The following OPCML variants were observed in gnomAD, a reference collection of about 807,000 sequenced individuals.
The protein encoded by OPCML is opioid binding protein/cell adhesion molecule like, also known as opioid-binding protein/cell adhesion molecule.
In OPCML, 13 loss-of-function variants were observed where a neutral mutation model predicts 37.8. The ratio of observed to expected loss-of-function variants is 0.34; its 90% confidence interval spans 0.22 to 0.55. OPCML has a LOEUF of 0.55. OPCML is among the 20% of genes least tolerant of loss of function. The probability of loss-of-function intolerance (pLI) is 0.91; values close to 1 mark genes in which losing one functional copy is unlikely to be tolerated. For missense variants in OPCML, 341 were observed against 435.6 expected (o/e 0.78, Z 1.93); for synonymous variants, 176 against 168.8 (o/e 1.04, Z -0.33).
At chr11:133,477,379 G>A (rs987503575) in intron 1 of OPCML, among the ~76,000 whole-genome samples, 2 of 152,132 alleles carry the variant, frequency 1.3e-5, no homozygotes, top group Non-Finnish European at 2.9e-5. Flanking sequence ...TGAATGCCCT[G>A]GCTTCTAATC....
At chr11:133,242,048 T>A (rs775763795) in intron 1 of OPCML, among the ~76,000 whole-genome samples, 1 of 152,228 alleles carries the variant, frequency 6.6e-6, no homozygotes, top group Non-Finnish European at 1.5e-5. Flanking sequence ...TTGACTCTCA[T>A]AAATGTTTAT....
chr11:132,995,183 C>T (rs1442123592), intron 1 of OPCML, among the ~76,000 whole-genome samples: 1 of 152,122 alleles, frequency 6.6e-6, no homozygotes, highest in Non-Finnish European at 1.5e-5. Flanking sequence ...GAAGACTAAA[C>T]GTGAGCGGGT....
chr11:132,785,501 A>G (rs539945345), intron 2 of OPCML, among the ~76,000 whole-genome samples: 1 of 152,360 alleles, frequency 6.6e-6, no homozygotes, highest in African/African-American at 2.4e-5. Flanking sequence ...ATAGCCACAA[A>G]TATACTTCTT....
chr11:133,079,342 T>C (rs904851348), intron 1 of OPCML, among the ~76,000 whole-genome samples: 2 of 152,164 alleles, frequency 1.3e-5, no homozygotes, highest in Non-Finnish European at 2.9e-5. Flanking sequence ...AGGCCAGGCA[T>C]TGACCATGCA....
intron 2 of OPCML, among the ~76,000 whole-genome samples, chr11:132,770,159 ATAACTTGTTG>A (rs1440292465): frequency 1.3e-5 from 2 of 152,186 alleles, no homozygotes; most frequent in African/African-American, 4.8e-5. Context: ...AAGTCAACAA[ATAACTTGTTG>A]AACACTTACT....
At chr11:132,692,099 A>G (rs879050376) in intron 2 of OPCML, among the ~76,000 whole-genome samples, 2 of 152,200 alleles carry the variant, frequency 1.3e-5, no homozygotes, top group Admixed American at 6.5e-5. Flanking sequence ...GTGTTCTTCA[A>G]TCAAAAGCAG....
At chr11:133,263,390 A>G (rs1468719523) in intron 1 of OPCML, among the ~76,000 whole-genome samples, 1 of 152,148 alleles carries the variant, frequency 6.6e-6, no homozygotes, top group Admixed American at 6.5e-5. Flanking sequence ...ATTGTGTTAC[A>G]GTTGCCTACA....
intron 1 of OPCML, among the ~76,000 whole-genome samples, chr11:133,011,535 TCA>T (rs1947213930): frequency 6.6e-6 from 1 of 152,122 alleles, no homozygotes; most frequent in Admixed American, 6.5e-5. Context: ...AGGACTATGC[TCA>T]ATTTAAGGAA....
At chr11:132,689,825 C>T (rs1004185927) in intron 2 of OPCML, among the ~76,000 whole-genome samples, 9 of 152,162 alleles carry the variant, frequency 5.9e-5, no homozygotes, top group African/African-American at 1.9e-4. Context: ...GGGGCAGATG[C>T]ATTTTGCCAC....
At chr11:133,416,359 A>G (rs868190458) in intron 1 of OPCML, among the ~76,000 whole-genome samples, 19 of 152,266 alleles carry the variant, frequency 1.2e-4, no homozygotes, top group South Asian at 2.1e-4. Context: ...TGTCTGTATA[A>G]CTTCCCTTTT....
chr11:132,531,951 TC>T (rs1169004171), intron 3 of OPCML, among the ~76,000 whole-genome samples: 5 of 152,048 alleles, frequency 3.3e-5, no homozygotes, highest in African/African-American at 1.2e-4. Context: ...TCCTAGAGGC[TC>T]CCTGATAGTA....
Position 132,636,523 on chromosome 11 carries a change from A to C in OPCML, c.379+20564T>G, listed in dbSNP as rs564501558. On this transcript the variant is annotated intron_variant, in intron 3 of 7. Coordinates refer to ENST00000524381, the MANE Select transcript of OPCML (RefSeq NM_001012393.5). The stretch of plus-strand genomic sequence containing the variant: ...GTGGATCCATTGCACCACAGTGATC[A>C]TATGTCCAAGCGAATAAGCCTTCCA... 3.3e-5 allele frequency among the ~76,000 whole-genome samples: 5 copies of C among 152,350 alleles called. No homozygotes were observed. The East Asian group carries it at 9.6e-4, about 29-fold the overall frequency.
intron 2 of OPCML, among the ~76,000 whole-genome samples, chr11:132,932,470 C>T (rs1208635097): frequency 6.6e-6 from 1 of 152,066 alleles, no homozygotes; most frequent in Non-Finnish European, 1.5e-5. Context: ...AAGCAGATTT[C>T]GTTTCTCCCT....
At chr11:133,333,385 T>C (rs1226272198) in intron 1 of OPCML, among the ~76,000 whole-genome samples, 1 of 141,138 alleles carries the variant, frequency 7.1e-6, no homozygotes, top group Non-Finnish European at 1.5e-5. Flanking sequence ...AAACAAGCAA[T>C]GGGAAAAAAA....
At chr11:132,710,794 G>A (rs149837138) in intron 2 of OPCML, among the ~76,000 whole-genome samples, 1,721 of 152,182 alleles carry the variant, frequency 0.011, 37 homozygotes, top group African/African-American at 0.039. Context: ...GGTGGAGGTT[G>A]CGGTGAGCTG....
chr11:133,003,841 T>C (rs1048258016), intron 1 of OPCML: 11 of 985,224 alleles, frequency 1.1e-5, no homozygotes, highest in Non-Finnish European at 1.2e-5. Flanking sequence ...AAATGAATAA[T>C]GCAGATCCTT....
At chr11:133,135,738 G>A (rs985907380) in intron 1 of OPCML, among the ~76,000 whole-genome samples, 1 of 152,180 alleles carries the variant, frequency 6.6e-6, no homozygotes, top group Non-Finnish European at 1.5e-5. Context: ...GAGTGTCTAT[G>A]TGCAGGATCC....
intron 1 of OPCML, among the ~76,000 whole-genome samples, chr11:133,289,474 A>G (rs950565092): frequency 2.7e-5 from 4 of 150,540 alleles, no homozygotes; most frequent in African/African-American, 9.8e-5. Flanking sequence ...GGGCGCCTGT[A>G]GTCCCAGCTA....
intron 4 of OPCML, among the ~76,000 whole-genome samples, chr11:132,441,170 T>TTTTTTTTTTTTTTTTG (rs2096032497): frequency 8.8e-6 from 1 of 113,526 alleles, no homozygotes; most frequent in Admixed American, 9.0e-5. Context: ...TTTTTGTTTT[T>TTTTTTTTTTTTTTTTG]TTTTTTTTTT....
Sources: gnomAD v4.1 joint callset for allele counts (sites outside exome capture counted in the v4.1 genomes callset) on GRCh38, gnomAD v4.1.1 for gene constraint, MANE v1.5 for transcripts, NCBI Gene and HGNC (gene_info 2026-07-23, HGNC 2026-07-21) for gene names.